Variants in KDM4B observed in about 807,000 individuals in gnomAD.
KDM4B encodes the protein lysine-specific demethylase 4B.
In KDM4B, 32 loss-of-function variants were observed where a neutral mutation model predicts 125.2. The observed-to-expected ratio is 0.26, with a 90% CI of 0.19 to 0.34. The LOEUF (loss-of-function observed/expected upper bound fraction) is 0.34, where lower values mean the gene tolerates loss of function less well. KDM4B is among the 10% of genes least tolerant of loss of function. KDM4B has a pLI of 1.00. For missense variants in KDM4B, 1,190 were observed against 1,577.7 expected, an observed-to-expected ratio of 0.75 and a Z score of 4.16; for synonymous variants, 721 against 677.9, an observed-to-expected ratio of 1.06 and a Z score of -0.99.
At chr19:5,057,605 C>T (rs987637204) in intron 6 of KDM4B, among the ~76,000 whole-genome samples, 1 of 152,206 alleles carries the variant, frequency 6.6e-6, no homozygotes, top group Non-Finnish European at 1.5e-5. Context: ...GCAGCTTTGC[C>T]TGGAGTAACC....
At chr19:5,133,158 G>A (rs2039588433) in intron 13 of KDM4B, among the ~76,000 whole-genome samples, 1 of 152,214 alleles carries the variant, frequency 6.6e-6, no homozygotes, top group African/African-American at 2.4e-5. Flanking sequence ...GCAGGGAGGG[G>A]ACGTGGGGAG....
intron 6 of KDM4B, among the ~76,000 whole-genome samples, chr19:5,057,065 T>C (rs72990190): frequency 0.12 from 15,628 of 128,012 alleles, 1,302 homozygotes; most frequent in East Asian, 0.48. Context: ...TGTGTGTGTG[T>C]GCGCGCGCGC....
chr19:5,022,994 G>T (rs188793935), intron 2 of KDM4B, among the ~76,000 whole-genome samples: 4 of 152,266 alleles, frequency 2.6e-5, no homozygotes, highest in African/African-American at 9.6e-5. Flanking sequence ...CTTAATCCCT[G>T]GAACCCATGA....
At position 5,070,688 on chromosome 19, in the gene KDM4B, T is replaced by A. The variant is rs577659856; in HGVS notation, c.627-322T>A. ...ACCCGCAGTTCCAATCCAATACTTT[T>A]GTTTTTTGCCTTTTCAGCCTCCTCG... On this transcript the variant is annotated intron_variant, in intron 6 of 22. Transcript: ENST00000159111. The A allele has an allele frequency of 6.7e-4, 170 of 253,024 alleles. 2 individuals carry two copies. The South Asian group carries it at 0.01, about 15-fold the overall frequency. 15.7% of individuals were successfully genotyped at this position (253,024 alleles called of 1,614,324 possible).
intron 5 of KDM4B, 32 bp downstream of exon 5, chr19:5,041,283 C>T (rs1257133361): frequency 1.3e-6 from 2 of 1,544,470 alleles, no homozygotes; most frequent in Non-Finnish European, 1.8e-6. Flanking sequence ...AGAACAGGGA[C>T]CAGCTTCCTG....
chr19:5,050,754 G>A (rs1307267673), intron 6 of KDM4B, among the ~76,000 whole-genome samples: 2 of 152,172 alleles, frequency 1.3e-5, no homozygotes, highest in East Asian at 3.9e-4. Flanking sequence ...CAAAAAATGA[G>A]CCGGGTGTGG....
At chr19:5,057,667 T>C (rs930190891) in intron 6 of KDM4B, among the ~76,000 whole-genome samples, 10 of 152,100 alleles carry the variant, frequency 6.6e-5, no homozygotes, top group African/African-American at 2.4e-4. Flanking sequence ...GAGGCACAGA[T>C]TGAAGAGACG....
intron 11 of KDM4B, among the ~76,000 whole-genome samples, chr19:5,120,178 A>G (rs552534065): frequency 4.6e-5 from 7 of 152,302 alleles, no homozygotes; most frequent in Middle Eastern, 3.4e-3. Context: ...TACTTATGAT[A>G]TAAAAAAAAT....
At chr19:5,001,529 A>G (rs1225976414) in intron 1 of KDM4B, among the ~76,000 whole-genome samples, 1 of 152,184 alleles carries the variant, frequency 6.6e-6, no homozygotes, top group Non-Finnish European at 1.5e-5. Flanking sequence ...ACGGTGGCGA[A>G]CTGTGCTGCC....
chr19:4,990,595 T>C (rs984308472), intron 1 of KDM4B, among the ~76,000 whole-genome samples: 1 of 152,224 alleles, frequency 6.6e-6, no homozygotes, highest in African/African-American at 2.4e-5. Flanking sequence ...GTTTTAATAC[T>C]GTCATTATGG....
intron 21 of KDM4B, among the ~76,000 whole-genome samples, 172 bp downstream of exon 21, chr19:5,145,074 A>G (rs1419053159): frequency 6.6e-6 from 1 of 152,210 alleles, no homozygotes; most frequent in African/African-American, 2.4e-5. Context: ...CGCCTGCCTA[A>G]GTTAGAAGCA....
At chr19:5,088,127 C>T (rs918159030) in intron 9 of KDM4B, among the ~76,000 whole-genome samples, 2 of 152,214 alleles carry the variant, frequency 1.3e-5, no homozygotes, top group African/African-American at 4.8e-5. Flanking sequence ...GAGCCTGTTT[C>T]CTCGTGGGCG....
rs1374425840 is a variant in KDM4B at position 5,135,328 on chromosome 19, C to G, written c.2086-11C>G. On this transcript the variant is annotated splice_polypyrimidine_tract_variant and intron_variant, in intron 14 of 22. Coordinates refer to ENST00000159111, the MANE Select transcript of KDM4B (RefSeq NM_015015.3). ...TGGCTCTGTCCCCTGAAGGTCGCCT[C>G]TCCCCTACAGGCCCTACAGACTGAG... 1.3e-6 allele frequency: 2 copies of G among 1,590,860 alleles called. No individual in the cohort carries two copies. The highest frequency in any genetic ancestry group is 1.7e-5 in the Admixed American group (1 of 59,918).
intron 13 of KDM4B, among the ~76,000 whole-genome samples, chr19:5,132,778 C>A (rs1186253847): frequency 1.3e-5 from 2 of 152,160 alleles, no homozygotes; most frequent in Non-Finnish European, 2.9e-5. Context: ...GCCTGTGAGA[C>A]CATCACGGCC....
rs2039125732 is a variant in KDM4B, at chr19:5,110,748, G to T, written c.1045G>T (p.Ala349Ser). 2.5e-6 allele frequency: 4 copies of T among 1,611,118 alleles called. No individual in the cohort carries two copies. The highest frequency in any genetic ancestry group is 3.4e-6 in the Non-Finnish European group (4 of 1,179,172). ...LTVLDHTRPT[A>S]LTSPELSSWS... ...GGTGCTGGACCACACGCGGCCCACGGCGCTCACCAGCCCCGAGCTGAGCTC... is the reference window on the plus strand; with the variant it reads ...GGTGCTGGACCACACGCGGCCCACGTCGCTCACCAGCCCCGAGCTGAGCTC... The change falls in exon 10 of 23, where the codon GCG becomes TCG. Residue 349 changes from alanine to serine, a missense_variant. Around this residue, in one of 7 missense-constraint regions of KDM4B, gnomAD observed 428 missense variants for 405.1 expected, o/e 1.06. Coordinates refer to ENST00000159111, the MANE Select transcript of KDM4B (RefSeq NM_015015.3).
chr19:5,110,839 C>T (rs747069596), intron 10 of KDM4B, 21 bp downstream of exon 10: 31 of 1,532,010 alleles, frequency 2.0e-5, no homozygotes, highest in East Asian at 1.2e-4. Context: ...AAGGGACTGC[C>T]GCGTGACTGC....
At chr19:5,025,290 C>T (rs2036244378) in intron 2 of KDM4B, among the ~76,000 whole-genome samples, 1 of 152,226 alleles carries the variant, frequency 6.6e-6, no homozygotes, top group Non-Finnish European at 1.5e-5. Flanking sequence ...CCCTGGTCTC[C>T]CAGCTTCCTC....
chr19:5,023,022 A>T (rs1198760362), intron 2 of KDM4B, among the ~76,000 whole-genome samples: 1 of 152,192 alleles, frequency 6.6e-6, no homozygotes, highest in East Asian at 1.9e-4. Context: ...ACCTTAAATG[A>T]CAAAAGGGAC....
At chr19:4,992,574 A>T (rs976317681) in intron 1 of KDM4B, among the ~76,000 whole-genome samples, 2 of 152,096 alleles carry the variant, frequency 1.3e-5, no homozygotes, top group African/African-American at 4.8e-5. Flanking sequence ...CAGCCCACCA[A>T]GTAGCTGGGA....
Sources: gnomAD v4.1 joint callset for allele counts (sites outside exome capture counted in the v4.1 genomes callset) on GRCh38, gnomAD v4.1.1 for gene constraint, gnomAD v4.1.1 regional missense constraint, MANE v1.5 for transcripts, NCBI Gene and HGNC (gene_info 2026-07-23, HGNC 2026-07-21) for gene names.